RIOK2: variants seen among roughly 807,000 people sequenced by gnomAD.
RIOK2 encodes the protein serine/threonine-protein kinase RIO2.
In RIOK2, 46 loss-of-function variants were observed where a neutral mutation model predicts 62.4. That is an observed-to-expected ratio of 0.74 (90% CI 0.58 to 0.94). The LOEUF is 0.94. Ranked by LOEUF, RIOK2 falls within the 40% of genes least tolerant of loss-of-function variation. The pLI is 0.00. For missense variants in RIOK2, 574 were observed against 658.0 expected, an observed-to-expected ratio of 0.87 and a Z score of 1.40; for synonymous variants, 197 against 216.0, an observed-to-expected ratio of 0.91 and a Z score of 0.77.
intron 8 of RIOK2, chr5:97,166,791 C>A (rs1748852458): frequency 2.0e-6 from 2 of 986,690 alleles, no homozygotes; most frequent in South Asian, 4.7e-5. Flanking sequence ...TATTTACATG[C>A]CTTTACATAA....
chr5:97,167,307 G>C, intron 8 of RIOK2, 160 bp downstream of exon 8: 1 of 1,444,702 alleles, frequency 6.9e-7, no homozygotes, highest in Non-Finnish European at 9.1e-7. Flanking sequence ...AAGCTATTTT[G>C]AGTTTTTAAC....
intron 2 of RIOK2, among the ~76,000 whole-genome samples, chr5:97,178,668 C>CTACCTGCTCTTCTGCAGTACTG (rs1287400939): frequency 8.6e-6 from 1 of 116,348 alleles, no homozygotes; most frequent in Non-Finnish European, 1.8e-5. Flanking sequence ...CTGCAGTACT[C>CTACCTGCTCTTCTGCAGTACTG]TACCTGCTCT....
rs17849382 is a variant in RIOK2 at position 97,177,184 on chromosome 5, G to C, written c.430C>G (p.His144Asp). The C allele has an allele frequency of 1.2e-5, 20 of 1,613,218 alleles. No homozygotes were observed. In the South Asian group the frequency reaches 1.4e-4, roughly 12 times the overall value. Residue 144 changes from histidine to aspartate, a missense_variant, in exon 4 of 10, where the codon CAT becomes GAT. His to Asp is a moderately conservative substitution (Grantham distance 81, BLOSUM62 -1). Coordinates refer to ENST00000283109, the MANE Select transcript of RIOK2 (RefSeq NM_018343.3). ...TATAGCCATGACACATTGTGCCTAT[G>C]TTTATGATAATCGCGTTTGTTTTTC... ...NLKNKRDYHK[H>D]RHNVSWLYLS...
In RIOK2 at chr5:97,167,452, G is replaced by A. The variant is rs748843914; in HGVS notation, c.1397+15C>T. The A allele has an allele frequency of 3.7e-6, 6 of 1,604,808 alleles. No individual in the cohort carries two copies. The highest frequency in any genetic ancestry group is 1.1e-5 in the South Asian group (1 of 89,890). The stretch of plus-strand genomic sequence containing the variant: ...TCAAGACTAAAGTTAAAAAGCAATC[G>A]ACAGAAGTCTATACCTGAAAGGCCT... On this transcript the variant is annotated intron_variant, in intron 8 of 9. Transcript: ENST00000283109.
rs1006237817 is a variant in RIOK2, at chr5:97,167,612, C to T, written c.1252G>A (p.Glu418Lys). ...TAATTTTCAGTTCTGTTTTTCTCCTCAGAAAATTCAGTTACAGAGTTGTTT... is the reference window on the plus strand; with the variant it reads ...TAATTTTCAGTTCTGTTTTTCTCCTTAGAAAATTCAGTTACAGAGTTGTTT... The part of the protein sequence containing the change: ...VENNSVTEFS[E>K]EKNRTENYNR... Residue 418 changes from glutamate to lysine, a missense_variant, in exon 8 of 10, where the codon GAG becomes AAG. Coordinates refer to ENST00000283109, the MANE Select transcript of RIOK2 (RefSeq NM_018343.3). The T allele has an allele frequency of 2.8e-5, 46 of 1,614,096 alleles. No individual in the cohort carries two copies. Among genetic ancestry groups the T allele is most frequent in the Non-Finnish European group, 3.8e-5 (45 of 1,180,024 alleles).
At chr5:97,180,029 T>TATATATA (rs1749328198) in intron 1 of RIOK2, among the ~76,000 whole-genome samples, 1 of 68,546 alleles carries the variant, frequency 1.5e-5, no homozygotes, top group African/African-American at 5.6e-5. Flanking sequence ...ATATATATAA[T>TATATATA]ATATATATTA....
intron 5 of RIOK2, among the ~76,000 whole-genome samples, chr5:97,172,548 T>C (rs140854397): frequency 5.9e-4 from 90 of 152,360 alleles, no homozygotes; most frequent in African/African-American, 2.1e-3. Context: ...ATTATTGTAA[T>C]AGCCTCTTAA....
At chr5:97,180,126 G>GTGTATATATATATATGTATGTATA (rs1554083581) in intron 1 of RIOK2, among the ~76,000 whole-genome samples, 2 of 30,786 alleles carry the variant, frequency 6.5e-5, no homozygotes, top group Non-Finnish European at 1.5e-4. Flanking sequence ...ATGTGTATAT[G>GTGTATATATATATATGTATGTATA]TATATATATA....
chr5:97,167,220 C>A, intron 8 of RIOK2: 1 of 1,378,612 alleles, frequency 7.3e-7, no homozygotes, highest in Admixed American at 3.2e-5. Context: ...CTGTGCCCAG[C>A]CATCAGTTTG....
At chr5:97,164,317 A>G (rs1057251749) in intron 9 of RIOK2, among the ~76,000 whole-genome samples, 20 of 152,156 alleles carry the variant, frequency 1.3e-4, no homozygotes, top group African/African-American at 4.1e-4. Context: ...CCTGGCCAAC[A>G]TGGTGAAACC....
At chr5:97,182,790 G>GA (rs1749457546) in intron 1 of RIOK2, 2 of 223,888 alleles carry the variant, frequency 8.9e-6, no homozygotes, top group African/African-American at 2.6e-5. Flanking sequence ...GGGGGGGGGG[G>GA]GGGCTTAAAC....
chr5:97,168,703 A>C (rs1217357504), intron 7 of RIOK2, 57 bp downstream of exon 7: 2 of 1,071,482 alleles, frequency 1.9e-6, no homozygotes, highest in Non-Finnish European at 2.6e-6. Context: ...ATTTTTAGAA[A>C]TACACAGACC....
chr5:97,169,892 C>T (rs994018887), intron 6 of RIOK2, among the ~76,000 whole-genome samples: 1 of 152,152 alleles, frequency 6.6e-6, no homozygotes, highest in African/African-American at 2.4e-5. Flanking sequence ...TACTGTGTGA[C>T]TATGTTACTC....
At chr5:97,175,054 T>C (rs1349914682) in intron 4 of RIOK2, among the ~76,000 whole-genome samples, 1 of 142,776 alleles carries the variant, frequency 7.0e-6, no homozygotes, top group Non-Finnish European at 1.6e-5. Context: ...TGAGACCTTG[T>C]CTTGAAAATA....
Position 97,179,074 on chromosome 5 carries a change from T to A in RIOK2, c.186A>T (p.Ile62=). The change falls in exon 2 of 10, where the codon ATA becomes ATT. Residue 62 remains isoleucine, a synonymous_variant. Coordinates refer to ENST00000283109, the MANE Select transcript of RIOK2 (RefSeq NM_018343.3). ...VLRELVKHKL[I]AWERTKTVQG... ...ACTTACTTTTGGTACGCTCCCAAGC[T>A]ATGAGTTTATGTTTCACTAATTCTC... 1 of 1,613,982 alleles carries A rather than the reference T, an allele frequency of 6.2e-7. No individual in the cohort carries two copies. Among genetic ancestry groups the A allele is most frequent in the Non-Finnish European group, 8.5e-7 (1 of 1,179,938 alleles).
At position 97,177,772 on chromosome 5, in the gene RIOK2, A is replaced by C. The variant is rs765799462; in HGVS notation, c.282T>G (p.Val94=). 7 of 1,613,316 alleles carry C rather than the reference A, an allele frequency of 4.3e-6. No individual in the cohort carries two copies. The highest frequency in any genetic ancestry group is 5.9e-6 in the Non-Finnish European group (7 of 1,179,364). Residue 94 remains valine, a synonymous_variant, in exon 3 of 10, where the codon GTT becomes GTG. Transcript: ENST00000283109. ...CACCCATCTGGTTTCCAACAGACTC[A>C]ACTACTTGCCTAGAAGAAAGTGTTT... The part of the protein sequence containing the change: ...ALKTLSSRQV[V]ESVGNQMGVG...
intron 5 of RIOK2, among the ~76,000 whole-genome samples, chr5:97,172,793 A>G (rs1380302779): frequency 6.6e-6 from 1 of 152,154 alleles, no homozygotes; most frequent in African/African-American, 2.4e-5. Context: ...AGTACTTCCT[A>G]TCTCCCTTAC....
chr5:97,177,742 G>C lies in RIOK2; in HGVS notation c.312C>G (p.Gly104=). The change falls in exon 3 of 10, where the codon GGC becomes GGG. Residue 104 remains glycine (G), a synonymous_variant. Transcript: ENST00000283109. ...ACTATTAGCACTTACCTGATTCTTT[G>C]CCAACACCCATCTGGTTTCCAACAG... ...VESVGNQMGV[G]KESDIYIVAN... The C allele has an allele frequency of 6.3e-7, 1 of 1,597,230 alleles. No homozygotes were observed. The highest frequency in any genetic ancestry group is 8.6e-7 in the Non-Finnish European group (1 of 1,165,022).
rs1041265443 is a variant in RIOK2, at chr5:97,178,989, T to C, written c.205+66A>G. ...CTGGCAACTTCTACTTCTTGACTTT[T>C]GGAACACTTGCTCTGGTGGAAACCA... is the stretch of plus-strand genomic sequence containing the variant. On this transcript the variant is annotated intron_variant, in intron 2 of 9. Coordinates refer to ENST00000283109, the MANE Select transcript of RIOK2 (RefSeq NM_018343.3). 5 of 1,591,388 alleles carry C rather than the reference T, an allele frequency of 3.1e-6. No homozygotes were observed. In the East Asian group the frequency reaches 6.7e-5, roughly 21 times the overall value.
Sources: allele counts gnomAD v4.1 joint callset (sites outside exome capture counted in the v4.1 genomes callset), GRCh38; gene constraint gnomAD v4.1.1; transcripts MANE v1.5; gene names NCBI Gene and HGNC (gene_info 2026-07-23, HGNC 2026-07-21).